The following PDE3A variants were observed in gnomAD, a reference collection of about 807,000 sequenced individuals.
PDE3A encodes cGMP-inhibited 3',5'-cyclic phosphodiesterase 3A.
In PDE3A, 43 loss-of-function variants were observed where a neutral mutation model predicts 98.3. The observed-to-expected ratio is 0.44, with a 90% confidence interval of 0.34 to 0.56. The LOEUF (loss-of-function observed/expected upper bound fraction) is 0.56. PDE3A is among the 20% of genes least tolerant of loss of function. The pLI is 0.01. For synonymous variants in PDE3A, 663 were observed against 567.9 expected (o/e 1.17, Z -2.38); for missense variants, 1,427 against 1,440.7 (o/e 0.99, Z 0.15).
chr12:20,603,647 G>A (rs766426672), intron 2 of PDE3A, among the ~76,000 whole-genome samples: 1 of 151,992 alleles, frequency 6.6e-6, no homozygotes, highest in African/African-American at 2.4e-5. Context: ...TCATGTAGGG[G>A]ACAAACACCC....
intron 1 of PDE3A, among the ~76,000 whole-genome samples, chr12:20,404,935 T>C (rs981870501): frequency 1.3e-5 from 2 of 149,178 alleles, no homozygotes; most frequent in African/African-American, 4.9e-5. Context: ...AATGGTTCCC[T>C]ACTGCTTGCC....
chr12:20,615,648 G>C (rs1322799347), intron 3 of PDE3A, among the ~76,000 whole-genome samples: 1 of 151,978 alleles, frequency 6.6e-6, no homozygotes, highest in African/African-American at 2.4e-5. Flanking sequence ...AATTATCCCA[G>C]AGGCAATTGA....
chr12:20,441,699 G>C (rs1033220511), intron 1 of PDE3A, among the ~76,000 whole-genome samples: 46 of 152,142 alleles, frequency 3.0e-4, no homozygotes, highest in African/African-American at 1.1e-3. Flanking sequence ...ATTTCATTCT[G>C]TAAGCTGTGG....
At chr12:20,599,861 T>C (rs1297832454) in intron 2 of PDE3A, among the ~76,000 whole-genome samples, 2 of 151,938 alleles carry the variant, frequency 1.3e-5, no homozygotes, top group Non-Finnish European at 2.9e-5. Context: ...TATTGCAATG[T>C]GGCTTGCTAC....
chr12:20,654,394 A>G (rs1944990286), intron 15 of PDE3A, among the ~76,000 whole-genome samples, 189 bp downstream of exon 15: 1 of 152,238 alleles, frequency 6.6e-6, no homozygotes, highest in African/African-American at 2.4e-5. Context: ...CTATAATAAT[A>G]ACACATATGA....
At chr12:20,609,803 G>A (rs1182509533) in intron 2 of PDE3A, among the ~76,000 whole-genome samples, 1 of 151,950 alleles carries the variant, frequency 6.6e-6, no homozygotes, top group Non-Finnish European at 1.5e-5. Context: ...GTGGAAAGGG[G>A]AGTCTCTTTG....
At chr12:20,578,019 C>T (rs894615313) in intron 2 of PDE3A, among the ~76,000 whole-genome samples, 4 of 152,002 alleles carry the variant, frequency 2.6e-5, no homozygotes, top group Admixed American at 6.6e-5. Flanking sequence ...CCACTCATTT[C>T]GTTACATGTT....
intron 1 of PDE3A, among the ~76,000 whole-genome samples, chr12:20,519,851 T>A (rs1946390590): frequency 6.6e-6 from 1 of 152,120 alleles, no homozygotes; most frequent in African/African-American, 2.4e-5. Flanking sequence ...GAAGATGAGC[T>A]GGAGCTAGCA....
At chr12:20,540,507 G>A (rs997477962) in intron 1 of PDE3A, among the ~76,000 whole-genome samples, 1 of 151,988 alleles carries the variant, frequency 6.6e-6, no homozygotes, top group Non-Finnish European at 1.5e-5. Flanking sequence ...CCTGCAACCA[G>A]AAACAGCACA....
intron 1 of PDE3A, among the ~76,000 whole-genome samples, chr12:20,428,621 G>A (rs561900772): frequency 6.6e-6 from 1 of 152,192 alleles, no homozygotes; most frequent in Non-Finnish European, 1.5e-5. Flanking sequence ...ATTTTAAAAA[G>A]AGGATTTAGT....
intron 9 of PDE3A, among the ~76,000 whole-genome samples, chr12:20,639,423 A>C (rs944177499): frequency 3.3e-5 from 5 of 152,134 alleles, no homozygotes; most frequent in African/African-American, 1.2e-4. Context: ...ATGTAGTTTC[A>C]TATGACTTGC....
In PDE3A at chr12:20,600,208, T is replaced by C. The variant is rs2121405638; in HGVS notation, c.1012-13235T>C. ...ATGTCTTCAATGCCCAAATGTATAT[T>C]TCCAGTTCAGAAGTCTCTCCTAATA... is the stretch of plus-strand genomic sequence containing the variant. On this transcript the variant is annotated intron_variant, in intron 2 of 15. Transcript: ENST00000359062. Among the ~76,000 whole-genome samples the C allele has an allele frequency of 1.3e-5, 2 of 152,320 alleles. 1 individual carries two copies. The highest frequency in any genetic ancestry group is 4.1e-4 in the South Asian group (2 of 4,830).
At chr12:20,571,331 A>G (rs1942797929) in intron 2 of PDE3A, among the ~76,000 whole-genome samples, 2 of 152,148 alleles carry the variant, frequency 1.3e-5, no homozygotes, top group Admixed American at 6.6e-5. Context: ...GGATTGATAC[A>G]GGTCTCTCTT....
At chr12:20,392,506 C>CATAA (rs549745332) in intron 1 of PDE3A, among the ~76,000 whole-genome samples, 237 of 115,078 alleles carry the variant, frequency 2.1e-3, no homozygotes, top group Admixed American at 3.9e-3. Context: ...GATCCTGTCT[C>CATAA]ATAAATAAAT....
At chr12:20,663,101 C>T (rs1945217138) in intron 15 of PDE3A, among the ~76,000 whole-genome samples, 1 of 152,158 alleles carries the variant, frequency 6.6e-6, no homozygotes, top group Non-Finnish European at 1.5e-5. Flanking sequence ...AAGCCCGAAG[C>T]CTTGGCAACT....
intron 10 of PDE3A, among the ~76,000 whole-genome samples, chr12:20,643,769 C>T (rs567094819): frequency 4.8e-4 from 73 of 152,006 alleles, no homozygotes; most frequent in Admixed American, 7.9e-4. Flanking sequence ...CTTGTATTTT[C>T]GGCACTAGAT....
chr12:20,672,160 AAGG>A (rs1440153042), intron 15 of PDE3A, among the ~76,000 whole-genome samples: 1 of 149,610 alleles, frequency 6.7e-6, no homozygotes, highest in Non-Finnish European at 1.5e-5. Flanking sequence ...GGACCTCTTC[AAGG>A]AGAACTACAA....
At position 20,369,808 on chromosome 12, in the gene PDE3A, A is replaced by T. The variant is rs1457211988; in HGVS notation, c.524A>T (p.Gln175Leu). The change falls in exon 1 of 16, where the codon CAG becomes CTG. Residue 175 changes from glutamine (Q) to leucine (L), a missense_variant. Physicochemically the swap from Gln to Leu is moderately radical, Grantham distance 113. This residue lies in a region of PDE3A where 1,012 missense variants were observed against 886.5 expected (regional missense o/e 1.14). Coordinates refer to ENST00000359062, the MANE Select transcript of PDE3A (RefSeq NM_000921.5). ...TGCTGCGGGGGGGAAGCGCTCGTCCAGATTGGGCTGGGCGTCGGGGAGGAT... is the reference window on the plus strand; with the variant it reads ...TGCTGCGGGGGGGAAGCGCTCGTCCTGATTGGGCTGGGCGTCGGGGAGGAT... ...AACCGGEALV[Q>L]IGLGVGEDHL... is the part of the protein sequence containing the mutation. 5 of 1,612,314 alleles carry T rather than the reference A, an allele frequency of 3.1e-6. No homozygotes were observed. The highest frequency in any genetic ancestry group is 4.2e-6 in the Non-Finnish European group (5 of 1,179,606).
At chr12:20,655,948 A>G (rs1945034207) in intron 15 of PDE3A, among the ~76,000 whole-genome samples, 1 of 152,196 alleles carries the variant, frequency 6.6e-6, no homozygotes, top group Non-Finnish European at 1.5e-5. Context: ...GCTGGAGTGC[A>G]TCATGTGGCC....
Sources: allele counts gnomAD v4.1 joint callset (sites outside exome capture counted in the v4.1 genomes callset), GRCh38; gene constraint gnomAD v4.1.1; regional missense constraint gnomAD v4.1.1; transcripts MANE v1.5; gene names NCBI Gene and HGNC (gene_info 2026-07-23, HGNC 2026-07-21).